The following C1QTNF3 variants were observed in gnomAD, a reference collection of about 807,000 sequenced individuals.
The protein encoded by C1QTNF3 is C1q and TNF related 3.
In C1QTNF3, 26 loss-of-function variants were observed where a neutral mutation model predicts 32.6. The observed-to-expected ratio is 0.80, with a 90% CI of 0.58 to 1.11. The LOEUF is 1.11. C1QTNF3 is among the 50% of genes least tolerant of loss of function. The pLI is 0.00. For missense variants in C1QTNF3, 362 were observed against 398.2 expected (o/e 0.91, Z 0.77); for synonymous variants, 155 against 146.0 (o/e 1.06, Z -0.44).
At position 34,035,689 on chromosome 5, in the gene C1QTNF3, A is replaced by G. The variant is rs945347682; in HGVS notation, c.373T>C (p.Tyr125His). ...CCCGGTGGCCCAGGGGGGCCTTGGT[A>G]GCCTCGAAAGCTGTAGTCTCCATGA... ...CCHGDYSFRG[Y>H]QGPPGPPGPP... The change falls in exon 2 of 6, where the codon TAC becomes CAC. Residue 125 changes from tyrosine to histidine, a missense_variant. By Grantham distance (83) the Tyr-to-His change is moderately conservative. Coordinates refer to ENST00000382065, the MANE Select transcript of C1QTNF3 (RefSeq NM_181435.6). 1.9e-6 allele frequency: 3 copies of G among 1,611,380 alleles called. No individual in the cohort carries two copies. In the African/African-American group the frequency reaches 4.0e-5, roughly 22 times the overall value.
chr5:34,044,427 C>T (rs1363311015), upstream of C1QTNF3, among the ~76,000 whole-genome samples: 1 of 152,102 alleles, frequency 6.6e-6, no homozygotes, highest in Non-Finnish European at 1.5e-5. Flanking sequence ...CGAGGAGGCA[C>T]TGTGGGAAAC....
the C1QTNF3 span, among the ~76,000 whole-genome samples, chr5:34,136,156 A>C: frequency 6.6e-6 from 1 of 152,194 alleles, no homozygotes; most frequent in Admixed American, 6.5e-5. Context: ...AATGGGATCT[A>C]ATTAAACTAA....
At chr5:34,222,670 A>G in the C1QTNF3 span, among the ~76,000 whole-genome samples, 1 of 151,940 alleles carries the variant, frequency 6.6e-6, no homozygotes, top group Non-Finnish European at 1.5e-5. Context: ...TTATATATAA[A>G]TTCTGTTAAC....
At chr5:34,143,482 T>A in the C1QTNF3 span, among the ~76,000 whole-genome samples, 1 of 152,076 alleles carries the variant, frequency 6.6e-6, no homozygotes, top group African/African-American at 2.4e-5. Flanking sequence ...CAAAATTAGA[T>A]TCACCAAGGT....
the C1QTNF3 span, among the ~76,000 whole-genome samples, chr5:34,178,050 T>A: frequency 2.0e-5 from 3 of 147,706 alleles, no homozygotes; most frequent in Non-Finnish European, 3.0e-5. Context: ...GTGGATCGCT[T>A]GAGGTCAAAA....
At chr5:34,024,839 A>C (rs299605) in intron 4 of C1QTNF3, among the ~76,000 whole-genome samples, 63,216 of 152,068 alleles carry the variant, frequency 0.42, 13,941 homozygotes, top group South Asian at 0.66. Context: ...TCTAAATGAT[A>C]TGGGATTTTG....
the C1QTNF3 span, among the ~76,000 whole-genome samples, chr5:34,082,017 T>C: frequency 2.0e-5 from 3 of 151,724 alleles, no homozygotes; most frequent in Non-Finnish European, 2.9e-5. Flanking sequence ...ATTGATTTTT[T>C]CCCCCAAGTA....
chr5:34,204,157 A>G, the C1QTNF3 span, among the ~76,000 whole-genome samples: 1 of 152,252 alleles, frequency 6.6e-6, no homozygotes, highest in South Asian at 2.1e-4. Flanking sequence ...ATTCAACCTT[A>G]GATGAAATAG....
At chr5:34,131,294 A>G in the C1QTNF3 span, among the ~76,000 whole-genome samples, 1 of 151,662 alleles carries the variant, frequency 6.6e-6, no homozygotes, top group Non-Finnish European at 1.5e-5. Context: ...TGTGTGACAG[A>G]TATGTCTTCC....
the C1QTNF3 span, among the ~76,000 whole-genome samples, chr5:34,091,735 C>T: frequency 1.3e-5 from 2 of 152,024 alleles, no homozygotes; most frequent in Non-Finnish European, 2.9e-5. Flanking sequence ...CATGATGTCT[C>T]GTTTTATAAG....
chr5:34,139,362 T>C, the C1QTNF3 span, among the ~76,000 whole-genome samples: 1 of 152,062 alleles, frequency 6.6e-6, no homozygotes, highest in African/African-American at 2.4e-5. Flanking sequence ...CTTCTTTAAG[T>C]ACATTAAAGT....
chr5:34,045,804 A>G (rs9292520), upstream of C1QTNF3, among the ~76,000 whole-genome samples: 109,577 of 151,876 alleles, frequency 0.72, 39,688 homozygotes, highest in East Asian at 0.89. Flanking sequence ...CAGAGAGAAG[A>G]AGGTCAGTCT....
At chr5:34,089,211 A>G in the C1QTNF3 span, among the ~76,000 whole-genome samples, 1 of 152,196 alleles carries the variant, frequency 6.6e-6, no homozygotes, top group Non-Finnish European at 1.5e-5. Flanking sequence ...CATTAACAGA[A>G]ATAAAATGTT....
At chr5:34,115,743 A>C in the C1QTNF3 span, among the ~76,000 whole-genome samples, 12,922 of 151,656 alleles carry the variant, frequency 0.085, 1,437 homozygotes, top group African/African-American at 0.26. Context: ...AAAAAAAAAA[A>C]AAAAACTTTC....
At chr5:34,114,429 A>G in the C1QTNF3 span, among the ~76,000 whole-genome samples, 1 of 152,190 alleles carries the variant, frequency 6.6e-6, no homozygotes, top group South Asian at 2.1e-4. Context: ...ATTCAGTCTC[A>G]TATTTTGTTT....
At chr5:34,101,400 G>A in the C1QTNF3 span, among the ~76,000 whole-genome samples, 2 of 152,010 alleles carry the variant, frequency 1.3e-5, no homozygotes, top group Non-Finnish European at 1.5e-5. Context: ...AGCCTCATAA[G>A]GTTGATGTGA....
At chr5:34,047,568 T>G (rs1354052229), upstream of C1QTNF3, among the ~76,000 whole-genome samples, 2 of 152,198 alleles carry the variant, frequency 1.3e-5, no homozygotes, top group African/African-American at 4.8e-5. Context: ...TTGCATGATT[T>G]TCGAGAGCAG....
chr5:34,058,940 AAGGTCAAGAGGAAG>A, the C1QTNF3 span, among the ~76,000 whole-genome samples: 8 of 152,204 alleles, frequency 5.3e-5, no homozygotes, highest in Non-Finnish European at 1.2e-4. Context: ...CAAGGGACTC[AAGGTCAAGAGGAAG>A]AGGTCAAGAC....
the C1QTNF3 span, among the ~76,000 whole-genome samples, chr5:34,097,559 G>A: frequency 9.7e-6 from 1 of 103,100 alleles, no homozygotes; most frequent in Non-Finnish European, 2.0e-5. Flanking sequence ...CAAGGACTAT[G>A]CTTCAACTAC....
Sources: gnomAD v4.1 joint callset for allele counts (sites outside exome capture counted in the v4.1 genomes callset) on GRCh38, gnomAD v4.1.1 for gene constraint, MANE v1.5 for transcripts, NCBI Gene and HGNC (gene_info 2026-07-23, HGNC 2026-07-21) for gene names.